SERGEF: variants seen among roughly 807,000 people sequenced by gnomAD.
The protein encoded by SERGEF is secretion-regulating guanine nucleotide exchange factor.
In SERGEF, 51 loss-of-function variants were observed where a neutral mutation model predicts 50.0. The ratio of observed to expected loss-of-function variants is 1.02; its 90% CI spans 0.81 to 1.29. SERGEF has a LOEUF of 1.29. SERGEF is among the 50% of genes most tolerant of loss of function. The probability of loss-of-function intolerance (pLI) is 0.00; values close to 1 mark genes in which losing one functional copy is unlikely to be tolerated. For synonymous variants in SERGEF, 205 were observed against 212.4 expected (o/e 0.97, Z 0.30); for missense variants, 521 against 557.0 (o/e 0.94, Z 0.65).
chr11:18,001,781 C>A (rs1853966594), intron 4 of SERGEF, among the ~76,000 whole-genome samples: 1 of 152,172 alleles, frequency 6.6e-6, no homozygotes, highest in Admixed American at 6.5e-5. Context: ...CCCTCCTGGT[C>A]TTCACTTCTC....
At chr11:17,883,569 T>C (rs569398042) in intron 9 of SERGEF, among the ~76,000 whole-genome samples, 1 of 152,350 alleles carries the variant, frequency 6.6e-6, no homozygotes, top group East Asian at 1.9e-4. Context: ...AGGTAACTTG[T>C]GCAGTGTTTC....
At chr11:17,859,811 A>G (rs117949136) in intron 10 of SERGEF, among the ~76,000 whole-genome samples, 1 of 152,216 alleles carries the variant, frequency 6.6e-6, no homozygotes, top group African/African-American at 2.4e-5. Flanking sequence ...AAAATTGCCA[A>G]CCTAGATTTC....
intron 3 of SERGEF, among the ~76,000 whole-genome samples, chr11:18,006,196 T>C (rs565541556): frequency 1.3e-4 from 20 of 152,354 alleles, no homozygotes; most frequent in Middle Eastern, 3.4e-3. Context: ...TATTGCTCTG[T>C]TGCTCAGGCT....
intron 8 of SERGEF, 150 bp downstream of exon 8, chr11:17,988,447 T>C (rs531969730): frequency 4.2e-5 from 29 of 691,246 alleles, no homozygotes; most frequent in Admixed American, 1.0e-4. Flanking sequence ...GCCACATATC[T>C]GGCTGGTGGC....
chr11:17,974,018 C>T (rs773912568), intron 8 of SERGEF, among the ~76,000 whole-genome samples: 1 of 152,132 alleles, frequency 6.6e-6, no homozygotes, highest in Non-Finnish European at 1.5e-5. Context: ...GGGTTAAAGT[C>T]CACTGTCAAG....
chr11:18,003,042 ATAC>A (rs1211224436), intron 4 of SERGEF, among the ~76,000 whole-genome samples: 1 of 152,212 alleles, frequency 6.6e-6, no homozygotes, highest in Non-Finnish European at 1.5e-5. Flanking sequence ...GGGAGCTATA[ATAC>A]TTCCTTCAGG....
intron 10 of SERGEF, among the ~76,000 whole-genome samples, chr11:17,831,473 C>G (rs1850307653): frequency 6.6e-6 from 1 of 152,172 alleles, no homozygotes. Flanking sequence ...GGGACACACT[C>G]AGACAATGAG....
chr11:17,997,319 T>A (rs1853856148), intron 5 of SERGEF, among the ~76,000 whole-genome samples: 1 of 152,136 alleles, frequency 6.6e-6, no homozygotes, highest in African/African-American at 2.4e-5. Flanking sequence ...ATCAGGGAAA[T>A]GAAAACAGAT....
chr11:17,813,425 C>A (rs1408011345), intron 10 of SERGEF, among the ~76,000 whole-genome samples: 1 of 152,174 alleles, frequency 6.6e-6, no homozygotes, highest in Non-Finnish European at 1.5e-5. Context: ...TTTTCACAAC[C>A]TTTTGCTACC....
chr11:17,993,816 G>A (rs540052149), intron 6 of SERGEF, among the ~76,000 whole-genome samples: 9 of 152,178 alleles, frequency 5.9e-5, no homozygotes, highest in South Asian at 2.1e-4. Flanking sequence ...GGAACAGCCC[G>A]GGTTCCAGCT....
intron 10 of SERGEF, among the ~76,000 whole-genome samples, chr11:17,821,529 T>G (rs1850082581): frequency 6.6e-6 from 1 of 152,170 alleles, no homozygotes. Context: ...AATAAATGAA[T>G]TAATTGCAGT....
intron 8 of SERGEF, among the ~76,000 whole-genome samples, chr11:17,978,434 C>T (rs1853424873): frequency 6.6e-6 from 1 of 152,154 alleles, no homozygotes; most frequent in African/African-American, 2.4e-5. Flanking sequence ...AGCCTTGGTC[C>T]AGAGAACTGA....
intron 9 of SERGEF, among the ~76,000 whole-genome samples, chr11:17,954,810 C>T (rs1329615777): frequency 6.6e-6 from 1 of 152,198 alleles, no homozygotes; most frequent in African/African-American, 2.4e-5. Context: ...AGACTGAGCC[C>T]AGAGAAAGTC....
rs1050515702 is a variant in SERGEF at position 17,999,709 on chromosome 11, C to G, written c.508+788G>C. The G allele has an allele frequency of 5.3e-5, 19 of 358,162 alleles. No homozygotes were observed. The Admixed American group carries it at 6.1e-4, about 12-fold the overall frequency. The allele number at this position is 358,162 out of a possible 1,614,324, so 22.2% of individuals were successfully genotyped here. A position where few individuals can be genotyped will look rare whatever the true frequency, so the allele number is the denominator to read the frequency against. Reference sequence around the variant, plus strand: ...CATCACCCACTCACAGTACAGGAGACAAGCTCACTTAAAGCTTTTAAATTA... The same window carrying G: ...CATCACCCACTCACAGTACAGGAGAGAAGCTCACTTAAAGCTTTTAAATTA... On this transcript the variant is annotated intron_variant, in intron 5 of 10. Coordinates refer to ENST00000265965, the MANE Select transcript of SERGEF (RefSeq NM_012139.4).
chr11:17,815,904 G>A (rs2133839468), intron 10 of SERGEF, among the ~76,000 whole-genome samples: 1 of 152,320 alleles, frequency 6.6e-6, no homozygotes, highest in African/African-American at 2.4e-5. Context: ...CCTGGCGACA[G>A]TGAGACTCCA....
At chr11:17,982,299 T>A (rs1373876038) in intron 8 of SERGEF, among the ~76,000 whole-genome samples, 1 of 152,188 alleles carries the variant, frequency 6.6e-6, no homozygotes, top group Admixed American at 6.5e-5. Flanking sequence ...GCCTCCCCTA[T>A]TTAGTCCTCA....
intron 9 of SERGEF, among the ~76,000 whole-genome samples, chr11:17,919,571 T>C (rs1852115341): frequency 6.6e-6 from 1 of 152,060 alleles, no homozygotes; most frequent in Non-Finnish European, 1.5e-5. Flanking sequence ...GGTAGTGAAA[T>C]GGAAGAGCAA....
intron 9 of SERGEF, among the ~76,000 whole-genome samples, chr11:17,945,148 CCTAA>C (rs1312409304): frequency 6.6e-6 from 1 of 152,236 alleles, no homozygotes; most frequent in Non-Finnish European, 1.5e-5. Flanking sequence ...TTGTTCTGTG[CCTAA>C]CTTTCCTTAT....
intron 9 of SERGEF, among the ~76,000 whole-genome samples, chr11:17,949,530 T>C (rs193109163): frequency 1.1e-3 from 163 of 152,100 alleles, no homozygotes; most frequent in African/African-American, 3.3e-3. Flanking sequence ...CCCTGCGCAA[T>C]GGGACTGGCA....
Sources: allele counts gnomAD v4.1 joint callset (sites outside exome capture counted in the v4.1 genomes callset), GRCh38; gene constraint gnomAD v4.1.1; transcripts MANE v1.5; gene names NCBI Gene and HGNC (gene_info 2026-07-23, HGNC 2026-07-21).